GPC3: variants seen among roughly 807,000 people sequenced by gnomAD.
GPC3 encodes the protein glypican 3.
In GPC3, 3 loss-of-function variants were observed where a neutral mutation model predicts 34.4. The observed-to-expected ratio is 0.09, with a 90% CI of 0.04 to 0.23. The LOEUF (loss-of-function observed/expected upper bound fraction) is 0.23, where lower values mean the gene tolerates loss of function less well. Ranked by LOEUF, GPC3 falls within the 10% of genes least tolerant of loss-of-function variation. The probability of loss-of-function intolerance (pLI) is 1.00; values close to 1 mark genes in which losing one functional copy is unlikely to be tolerated. For synonymous variants in GPC3, 177 were observed against 174.0 expected (o/e 1.02, Z -0.13); for missense variants, 351 against 445.6 (o/e 0.79, Z 1.91).
intron 3 of GPC3, among the ~76,000 whole-genome samples, chrX:133,727,977 C>G (rs2071426150): frequency 8.9e-6 from 1 of 112,320 alleles, no homozygotes; most frequent in South Asian, 3.7e-4. Context: ...TTACTACAAT[C>G]TAGATGAAGC....
intron 2 of GPC3, among the ~76,000 whole-genome samples, chrX:133,829,596 T>G: frequency 8.9e-6 from 1 of 111,735 alleles, no homozygotes; most frequent in Middle Eastern, 4.6e-3. Context: ...TTTTAAAGAA[T>G]TAAAATGACA....
chrX:133,753,227 T>C (rs1440940068), intron 3 of GPC3, among the ~76,000 whole-genome samples: 1 of 112,214 alleles, frequency 8.9e-6, no homozygotes, highest in Non-Finnish European at 1.9e-5. Context: ...TTCTATTTCA[T>C]GAATCAGAAA....
intron 4 of GPC3, among the ~76,000 whole-genome samples, chrX:133,693,187 G>C (rs2071082011): frequency 9.3e-6 from 1 of 107,299 alleles, no homozygotes; most frequent in Non-Finnish European, 1.9e-5. Flanking sequence ...GTGTGTGTGT[G>C]TGTGTGTGTG....
intron 2 of GPC3, among the ~76,000 whole-genome samples, chrX:133,911,108 T>C (rs2076197029): frequency 1.8e-5 from 2 of 112,706 alleles, no homozygotes; most frequent in South Asian, 7.4e-4. Flanking sequence ...CATAAAGCTT[T>C]CCTTAAAACA....
intron 7 of GPC3, among the ~76,000 whole-genome samples, chrX:133,582,892 C>T (rs1244182942): frequency 9.0e-6 from 1 of 110,856 alleles, no homozygotes; most frequent in Non-Finnish European, 1.9e-5. Flanking sequence ...GGGGGGAGGG[C>T]TCTGTCCTGG....
chrX:133,934,442 G>A (rs757327885), intron 2 of GPC3, among the ~76,000 whole-genome samples: 8 of 108,376 alleles, frequency 7.4e-5, no homozygotes, highest in Middle Eastern at 5.1e-3. Flanking sequence ...TGATCCACCC[G>A]TCTTGGCCTC....
At chrX:133,877,486 C>G (rs1473931789) in intron 2 of GPC3, among the ~76,000 whole-genome samples, 1 of 112,035 alleles carries the variant, frequency 8.9e-6, no homozygotes, top group African/African-American at 3.2e-5. Context: ...TGGGACTAAA[C>G]AGAAACACTT....
intron 2 of GPC3, among the ~76,000 whole-genome samples, chrX:133,908,744 T>A (rs997579883): frequency 2.7e-5 from 3 of 110,552 alleles, no homozygotes; most frequent in Admixed American, 9.7e-5. Flanking sequence ...AAAAAAAAAA[T>A]AAGCTACACC....
intron 3 of GPC3, among the ~76,000 whole-genome samples, chrX:133,743,655 G>A (rs1057494833): frequency 8.9e-6 from 1 of 112,076 alleles, no homozygotes; most frequent in Non-Finnish European, 1.9e-5. Flanking sequence ...CTAATGAAGG[G>A]AGCAAGTATC....
chrX:133,671,808 C>T (rs2070829610), intron 5 of GPC3, among the ~76,000 whole-genome samples: 2 of 111,538 alleles, frequency 1.8e-5, no homozygotes, highest in Admixed American at 1.9e-4. Flanking sequence ...TTCCCCCATT[C>T]CCCCATCCCA....
intron 3 of GPC3, among the ~76,000 whole-genome samples, chrX:133,745,735 C>A (rs2071606052): frequency 8.9e-6 from 1 of 112,344 alleles, no homozygotes; most frequent in African/African-American, 3.2e-5. Flanking sequence ...TTGCCAGATC[C>A]TCCAAAAGCA....
At chrX:133,768,307 C>T (rs1050271099) in intron 2 of GPC3, among the ~76,000 whole-genome samples, 4 of 111,580 alleles carry the variant, frequency 3.6e-5, no homozygotes, top group Non-Finnish European at 5.6e-5. Flanking sequence ...ACTCCATGGA[C>T]CTTTTCATGA....
At chrX:133,737,057 C>T (rs1014889672) in intron 3 of GPC3, among the ~76,000 whole-genome samples, 27 of 111,717 alleles carry the variant, frequency 2.4e-4, no homozygotes, top group African/African-American at 8.1e-4. Context: ...TATCTAGCCA[C>T]GAAAAGACAT....
chrX:133,838,358 G>A (rs1414997838), intron 2 of GPC3, among the ~76,000 whole-genome samples: 4 of 112,188 alleles, frequency 3.6e-5, no homozygotes, highest in African/African-American at 1.3e-4. Context: ...ATAAGTCAAG[G>A]TCCCCCACTG....
intron 2 of GPC3, among the ~76,000 whole-genome samples, chrX:133,864,038 T>C (rs1047875862): frequency 3.6e-5 from 4 of 111,654 alleles, no homozygotes; most frequent in Non-Finnish European, 7.5e-5. Context: ...TCTGGAAAAA[T>C]AAGAATACTT....
chrX:133,730,803 A>G (rs1327544074), intron 3 of GPC3, among the ~76,000 whole-genome samples: 1 of 111,615 alleles, frequency 9.0e-6, no homozygotes, highest in African/African-American at 3.3e-5. Context: ...ATATATAAAA[A>G]AAAAGGAAGG....
intron 2 of GPC3, among the ~76,000 whole-genome samples, chrX:133,858,241 G>A (rs943558979): frequency 8.9e-6 from 1 of 111,906 alleles, no homozygotes; most frequent in African/African-American, 3.2e-5. Flanking sequence ...CACCCTTAAG[G>A]TCACTACTAA....
chrX:133,973,825 A>G lies in GPC3; in HGVS notation c.175+11450T>C, dbSNP rs779160329. ...TATTGTTACAGTTTTCATTCTTTAC[A>G]TTGGGAAAGTACTGCCCTGGGGGAG... On this transcript the variant is annotated intron_variant, in intron 1 of 7. Coordinates refer to ENST00000370818, the MANE Select transcript of GPC3 (RefSeq NM_004484.4). 3.6e-5 allele frequency among the ~76,000 whole-genome samples: 4 copies of G among 111,834 alleles called. No homozygotes were observed. In the East Asian group the frequency reaches 1.1e-3, roughly 32 times the overall value.
chrX:133,778,554 G>A (rs748242408), intron 2 of GPC3, among the ~76,000 whole-genome samples: 11 of 112,299 alleles, frequency 9.8e-5, no homozygotes, highest in Non-Finnish European at 2.1e-4. Flanking sequence ...ATTTGAGATA[G>A]TTTTCAAGTA....
Sources: allele counts gnomAD v4.1 joint callset (sites outside exome capture counted in the v4.1 genomes callset), GRCh38; gene constraint gnomAD v4.1.1; transcripts MANE v1.5; gene names NCBI Gene and HGNC (gene_info 2026-07-23, HGNC 2026-07-21).